Variants in MAMDC4 observed in about 807,000 individuals in gnomAD.
The protein encoded by MAMDC4 is MAM domain containing 4.
In MAMDC4, 168 loss-of-function variants were observed where a neutral mutation model predicts 153.3. That is an observed-to-expected ratio of 1.10 (90% CI 0.97 to 1.25). The LOEUF (loss-of-function observed/expected upper bound fraction) is 1.25, where lower values mean the gene tolerates loss of function less well. Among genes scored for constraint, MAMDC4 ranks in the 50% most tolerant of loss-of-function variants. MAMDC4 has a pLI of 0.00. For missense variants in MAMDC4, 1,701 were observed against 1,542.8 expected (o/e 1.10, Z -1.72); for synonymous variants, 744 against 651.5 (o/e 1.14, Z -2.16).
chr9:136,856,812 A>T lies in MAMDC4; in HGVS notation c.1823A>T (p.His608Leu), dbSNP rs200882117. 101 of 1,612,138 alleles carry T rather than the reference A, an allele frequency of 6.3e-5. 3 individuals are homozygous for T. In the East Asian group the frequency reaches 1.4e-3, roughly 22 times the overall value. Residue 608 changes from histidine (H) to leucine (L), a missense_variant, in exon 15 of 27, where the codon CAC becomes CTC. Coordinates refer to ENST00000317446, the MANE Select transcript of MAMDC4 (RefSeq NM_206920.3). ...WVESRGPDHD[H>L]TTGQGHFVLL... ...GAGAGCCGCGGCCCTGACCACGACC[A>T]CACCACAGGCCAAGGTAGGATGGGC...
intron 20 of MAMDC4, 29 bp downstream of exon 20, chr9:136,858,126 C>A (rs1188788045): frequency 1.3e-6 from 2 of 1,532,314 alleles, no homozygotes; most frequent in South Asian, 1.2e-5. Context: ...GCCCCTCCCC[C>A]TCCCCCTCCC....
In MAMDC4 at chr9:136,858,461, C is replaced by G. The variant is rs142748229; in HGVS notation, c.2736C>G (p.Gly912=). Residue 912 remains glycine, a synonymous_variant, in exon 22 of 27, where the codon GGC becomes GGG. Transcript: ENST00000317446. ...GWSHLAWPGL[G]GYSWDWGGGA... is the part of the protein sequence containing the mutation. The stretch of plus-strand genomic sequence containing the variant: ...GCCACCTGGCCTGGCCCGGCCTGGG[C>G]GGATACAGCTGGGACTGGGGCGGGG... The G allele has an allele frequency of 1.2e-6, 2 of 1,608,466 alleles. No individual in the cohort carries two copies. Among genetic ancestry groups the G allele is most frequent in the Non-Finnish European group, 1.7e-6 (2 of 1,179,662 alleles).
chr9:136,859,854 T>A, intron 25 of MAMDC4, 32 bp from the exon 26 acceptor site: 1 of 1,609,928 alleles, frequency 6.2e-7, no homozygotes, highest in Non-Finnish European at 8.5e-7. Context: ...GGGGGCTGCT[T>A]TGGAGGGCTC....
intron 6 of MAMDC4, 31 bp downstream of exon 6, chr9:136,854,107 C>CG: frequency 6.2e-7 from 1 of 1,611,302 alleles, no homozygotes; most frequent in Non-Finnish European, 8.5e-7. Context: ...GTTCCACCCC[C>CG]GGGAGGGCCC....
rs1226544644 is a variant in MAMDC4 at position 136,858,221 on chromosome 9, C to T, written c.2619C>T (p.His873=). ...AGGCAGTGGCCGCAGGCGTGGCACA[C>T]TCCTACGTGGCTCTGGATGATCTGC... ...VFEAVAAGVA[H]SYVALDDLLL... Residue 873 remains histidine, a synonymous_variant, in exon 21 of 27, where the codon CAC becomes CAT. Transcript: ENST00000317446. The T allele has an allele frequency of 1.9e-6, 3 of 1,599,788 alleles. No homozygotes were observed. The highest frequency in any genetic ancestry group is 2.2e-5 in the East Asian group (1 of 44,520).
Position 136,854,107 on chromosome 9 carries a change from C to T in MAMDC4, c.670+31C>T, listed in dbSNP as rs770209558. On this transcript the variant is annotated intron_variant, in intron 6 of 26. Transcript: ENST00000317446. ...GCACCGCCTCTTCCTGTTCCACCCC[C>T]GGGAGGGCCCCCACCTGCCCACTCC... 24 of 1,611,182 alleles carry T rather than the reference C, an allele frequency of 1.5e-5. 1 individual carries two copies. The Middle Eastern group carries it at 4.9e-4, about 33-fold the overall frequency.
At chr9:136,854,467 C>T (rs1471002821) in intron 7 of MAMDC4, 72 bp from the exon 8 acceptor site, 1 of 1,537,158 alleles carries the variant, frequency 6.5e-7, no homozygotes, top group African/African-American at 1.4e-5. Flanking sequence ...GCCAGGGCCC[C>T]CCTGGAGCTG....
In MAMDC4 at chr9:136,855,285, G is replaced by A. The variant is rs753223663; in HGVS notation, c.1229G>A (p.Gly410Asp). Residue 410 changes from glycine (G) to aspartate (D), a missense_variant, in exon 11 of 27, where the codon GGC becomes GAC. Gly to Asp is a moderately conservative substitution (Grantham distance 94). Transcript: ENST00000317446. ...ILLAGQTGPG[G>D]VVGLDDLILS... ...CTGGCCGGGCAGACAGGCCCGGGGG[G>A]CGTCGTGGGTCTGGACGACCTCATC... 1.9e-6 allele frequency: 3 copies of A among 1,603,892 alleles called. No homozygotes were observed. Among genetic ancestry groups the A allele is most frequent in the Non-Finnish European group, 2.6e-6 (3 of 1,175,164 alleles).
chr9:136,855,937 G>T (rs191177696), intron 13 of MAMDC4, 81 bp from the exon 14 acceptor site: 65 of 1,542,996 alleles, frequency 4.2e-5, no homozygotes, highest in Non-Finnish European at 5.2e-5. Flanking sequence ...CACTACAGAG[G>T]GTCTCTGGAC....
In MAMDC4 at chr9:136,853,871, G is replaced by A. The variant is rs1848963964; in HGVS notation, c.549G>A (p.Leu183=). Residue 183 remains leucine (L), a synonymous_variant, in exon 5 of 27, where the codon TTG becomes TTA. Transcript: ENST00000317446. ...CCTGGGGCCCTGGCTGGCAGGAGTT[G>A]GCAGTGACCACAGGCCGCATCCGGG... ...TGPWGPGWQE[L]AVTTGRIRGD... 4 of 1,612,656 alleles carry A rather than the reference G, an allele frequency of 2.5e-6. No individual in the cohort carries two copies. The highest frequency in any genetic ancestry group is 1.7e-4 in the Middle Eastern group (1 of 6,052).
Position 136,858,862 on chromosome 9 carries a change from G to T in MAMDC4, c.2956+9G>T. On this transcript the variant is annotated intron_variant, in intron 23 of 26. Coordinates refer to ENST00000317446, the MANE Select transcript of MAMDC4 (RefSeq NM_206920.3). ...TTTTCCTGAGCACTTCTGTGAGTCC[G>T]GCTGGGCCAATGGGTGCCTGGGCAA... The T allele has an allele frequency of 6.2e-7, 1 of 1,603,082 alleles. No individual in the cohort carries two copies. Among genetic ancestry groups the T allele is most frequent in the South Asian group, 1.1e-5 (1 of 90,424 alleles).
intron 25 of MAMDC4, 42 bp downstream of exon 25, chr9:136,859,359 G>A (rs1483078248): frequency 6.4e-7 from 1 of 1,551,454 alleles, no homozygotes; most frequent in Non-Finnish European, 8.7e-7. Flanking sequence ...GAGGGCCCAA[G>A]GGGCCAGCCT....
rs1849064411 is a variant in MAMDC4, at chr9:136,860,078, G to C, written c.3372+14G>C. 1.3e-6 allele frequency: 2 copies of C among 1,540,532 alleles called. No individual in the cohort carries two copies. The highest frequency in any genetic ancestry group is 8.8e-7 in the Non-Finnish European group (1 of 1,142,028). ...CTTTTCAATGCGGTAGGAGCCCCTG[G>C]GGATGGGTGGGCAGGAGCCTCTGTG... On this transcript the variant is annotated intron_variant, in intron 26 of 26. Coordinates refer to ENST00000317446, the MANE Select transcript of MAMDC4 (RefSeq NM_206920.3).
Position 136,854,836 on chromosome 9 carries a change from A to C in MAMDC4, c.1009A>C (p.Thr337Pro). ...CAGCCCCGAATTCCAAGCCTCAGGC[A>C]CCTCCAACTGCTCGGTGAGATGGGT... The part of the protein sequence containing the change: ...LSSPEFQASG[T>P]SNCSLVFYQY... The change falls in exon 9 of 27, where the codon ACC becomes CCC. Residue 337 changes from threonine (T) to proline (P), a missense_variant. Thr to Pro is a conservative substitution (Grantham distance 38, BLOSUM62 -1). Transcript: ENST00000317446. The C allele has an allele frequency of 1.2e-6, 2 of 1,612,642 alleles. No homozygotes were observed. The highest frequency in any genetic ancestry group is 1.3e-5 in the African/African-American group (1 of 74,976).
rs375492505 is a variant in MAMDC4, at chr9:136,853,972, T to C, written c.586-20T>C. 4 of 1,612,764 alleles carry C rather than the reference T, an allele frequency of 2.5e-6. No individual in the cohort carries two copies. The highest frequency in any genetic ancestry group is 1.3e-5 in the African/African-American group (1 of 74,874). On this transcript the variant is annotated intron_variant, in intron 5 of 26. Coordinates refer to ENST00000317446, the MANE Select transcript of MAMDC4 (RefSeq NM_206920.3). Reference sequence around the variant, plus strand: ...GGGGTCTGGGCCCTGACTTAGGTCCTAAGAGCCTGTTCTCTTCAGGTGACC... The same window carrying C: ...GGGGTCTGGGCCCTGACTTAGGTCCCAAGAGCCTGTTCTCTTCAGGTGACC...
At chr9:136,859,792 G>A in intron 25 of MAMDC4, 94 bp from the exon 26 acceptor site, 4 of 1,363,218 alleles carry the variant, frequency 2.9e-6, no homozygotes, top group Middle Eastern at 2.5e-4. Flanking sequence ...CCAGGAGCCA[G>A]CAGAGGCTGA....
intron 9 of MAMDC4, 32 bp from the exon 10 acceptor site, chr9:136,854,905 T>TGCA: frequency 1.2e-6 from 2 of 1,612,486 alleles, no homozygotes; most frequent in Non-Finnish European, 1.7e-6. Context: ...GCTGCCCCGG[T>TGCA]GCAGGCCCCC....
At chr9:136,856,562 C>T (rs778538056) in intron 14 of MAMDC4, 148 bp from the exon 15 acceptor site, 16 of 835,528 alleles carry the variant, frequency 1.9e-5, no homozygotes, top group Non-Finnish European at 3.0e-5. Flanking sequence ...CAGTGACCAC[C>T]GAGAGAGACA....
chr9:136,856,621 C>T (rs1323285663), intron 14 of MAMDC4, 89 bp from the exon 15 acceptor site: 1 of 1,290,478 alleles, frequency 7.7e-7, no homozygotes, highest in Admixed American at 1.7e-5. Flanking sequence ...TCCCCTTACA[C>T]TCCTCCAGGG....
Sources: gnomAD v4.1 joint callset for allele counts on GRCh38, gnomAD v4.1.1 for gene constraint, MANE v1.5 for transcripts, NCBI Gene and HGNC (gene_info 2026-07-23, HGNC 2026-07-21) for gene names.